KCTD1: variants seen among roughly 807,000 people sequenced by gnomAD.
KCTD1 encodes the protein BTB/POZ domain-containing protein KCTD1.
KCTD1 carries 24 observed loss-of-function variants against 66.0 expected under a neutral mutation model. The observed-to-expected ratio is 0.36, with a 90% CI of 0.26 to 0.51. The LOEUF is 0.51. Ranked by LOEUF, KCTD1 falls within the 20% of genes least tolerant of loss-of-function variation. The probability of loss-of-function intolerance (pLI) is 0.95; values close to 1 mark genes in which losing one functional copy is unlikely to be tolerated. For missense variants in KCTD1, 943 were observed against 1,205.2 expected (o/e 0.78, Z 3.22); for synonymous variants, 511 against 517.2 (o/e 0.99, Z 0.16).
chr18:26,498,202 C>A (rs1470221892), intron 2 of KCTD1, among the ~76,000 whole-genome samples: 1 of 152,074 alleles, frequency 6.6e-6, no homozygotes, highest in East Asian at 1.9e-4. Flanking sequence ...ATCCGAGAAC[C>A]AATGAATCAC....
At chr18:26,494,695 G>A (rs933957020) in intron 2 of KCTD1, among the ~76,000 whole-genome samples, 34 of 152,140 alleles carry the variant, frequency 2.2e-4, no homozygotes, top group African/African-American at 8.0e-4. Context: ...ATTGTAAGAT[G>A]AAAAGAAGAG....
At chr18:26,499,061 C>T (rs1478090637) in intron 2 of KCTD1, among the ~76,000 whole-genome samples, 1 of 152,160 alleles carries the variant, frequency 6.6e-6, no homozygotes, top group Non-Finnish European at 1.5e-5. Flanking sequence ...TAGAAGAAAA[C>T]CTATTGCTTA....
intron 1 of KCTD1, among the ~76,000 whole-genome samples, chr18:26,571,785 C>A (rs531529438): frequency 3.0e-4 from 46 of 152,094 alleles, no homozygotes; most frequent in Admixed American, 2.7e-3. Flanking sequence ...CATAGTGTAA[C>A]CCATTTCAAA....
chr18:26,456,767 T>C (rs1360968677), intron 4 of KCTD1: 1 of 150,532 alleles, frequency 6.6e-6, no homozygotes, highest in African/African-American at 2.5e-5. Flanking sequence ...CTGTGACTCT[T>C]AGATTAGATA....
intron 1 of KCTD1, among the ~76,000 whole-genome samples, chr18:26,582,738 G>A (rs1986383487): frequency 6.6e-6 from 1 of 151,884 alleles, no homozygotes; most frequent in African/African-American, 2.4e-5. Flanking sequence ...GTATAGATGT[G>A]GAAGGATCTC....
chr18:26,615,771 T>C (rs2145003407), intron 1 of KCTD1, among the ~76,000 whole-genome samples: 1 of 152,324 alleles, frequency 6.6e-6, no homozygotes, highest in Middle Eastern at 3.4e-3. Flanking sequence ...ATCTCAGCAC[T>C]AGCTATAGGA....
chr18:26,592,983 A>G (rs1986643762), intron 1 of KCTD1, among the ~76,000 whole-genome samples: 1 of 152,230 alleles, frequency 6.6e-6, no homozygotes, highest in Non-Finnish European at 1.5e-5. Context: ...GCTGATGCTC[A>G]GTGAAGCTAA....
intron 1 of KCTD1, among the ~76,000 whole-genome samples, chr18:26,605,185 G>A (rs1222900055): frequency 6.6e-6 from 1 of 152,168 alleles, no homozygotes; most frequent in Non-Finnish European, 1.5e-5. Context: ...TACTCATATG[G>A]TCTCACTTAG....
At chr18:26,522,258 T>C (rs1983947407) in intron 1 of KCTD1, among the ~76,000 whole-genome samples, 1 of 152,158 alleles carries the variant, frequency 6.6e-6, no homozygotes, top group Non-Finnish European at 1.5e-5. Context: ...GGCATCCTTA[T>C]AGAAAGGGGA....
At chr18:26,646,900 A>G (rs1356555147) in intron 1 of KCTD1, among the ~76,000 whole-genome samples, 2 of 152,200 alleles carry the variant, frequency 1.3e-5, no homozygotes, top group East Asian at 3.8e-4. Flanking sequence ...AGAAAAAAAA[A>G]TAAGAAATGC....
At position 26,603,750 on chromosome 18, in the gene KCTD1, TAAAATAAA is replaced by T. The variant is rs1452104237; in HGVS notation, c.-16+25389_-16+25396del. Reference sequence around the variant, plus strand: ...AGAGTGAGACTGTGTCTCAAAAAAATAAAATAAATAAATAAATAAATAAATAAATAAAT... The same window carrying T: ...AGAGTGAGACTGTGTCTCAAAAAAATTAAATAAATAAATAAATAAATAAAT... On this transcript the variant is annotated intron_variant, in intron 1 of 4. Transcript: ENST00000317932. Among the ~76,000 whole-genome samples the T allele has an allele frequency of 1.3e-4, 12 of 95,470 alleles. 1 individual carries two copies. The South Asian group carries it at 3.2e-3, about 26-fold the overall frequency. The allele number at this position is 95,470 out of a possible 152,430, so 62.6% of individuals were successfully genotyped here.
At chr18:26,484,012 T>C (rs1441947174) in intron 2 of KCTD1, among the ~76,000 whole-genome samples, 1 of 152,234 alleles carries the variant, frequency 6.6e-6, no homozygotes, top group Admixed American at 6.5e-5. Context: ...TAAAAAGTTT[T>C]TCTGTTAAAA....
chr18:26,461,999 G>C (rs1276604931), intron 3 of KCTD1, among the ~76,000 whole-genome samples: 2 of 152,146 alleles, frequency 1.3e-5, no homozygotes, highest in African/African-American at 4.8e-5. Flanking sequence ...ACAAAGCCCT[G>C]ATCTCCCAAT....
chr18:26,589,754 C>T (rs532870801), intron 1 of KCTD1, among the ~76,000 whole-genome samples: 1 of 152,258 alleles, frequency 6.6e-6, no homozygotes, highest in Admixed American at 6.5e-5. Context: ...GGTATAAGCA[C>T]AGCATGGTGA....
chr18:26,560,848 G>A (rs993211863), intron 1 of KCTD1, among the ~76,000 whole-genome samples: 2 of 152,240 alleles, frequency 1.3e-5, no homozygotes, highest in African/African-American at 2.4e-5. Context: ...TGCTAGAAGG[G>A]TAAATGGTAC....
intron 3 of KCTD1, among the ~76,000 whole-genome samples, chr18:26,461,517 G>A (rs1265338863): frequency 6.6e-6 from 1 of 152,180 alleles, no homozygotes; most frequent in African/African-American, 2.4e-5. Context: ...TGAAAACTAG[G>A]CTGAGGTGTG....
chr18:26,593,127 C>T (rs1986648285), intron 1 of KCTD1, among the ~76,000 whole-genome samples: 1 of 152,230 alleles, frequency 6.6e-6, no homozygotes, highest in African/African-American at 2.4e-5. Flanking sequence ...GATGTTCCAC[C>T]ACATGGCTCA....
At chr18:26,478,091 T>C (rs1427335548) in intron 2 of KCTD1, among the ~76,000 whole-genome samples, 1 of 152,202 alleles carries the variant, frequency 6.6e-6, no homozygotes, top group Non-Finnish European at 1.5e-5. Flanking sequence ...GACAATTTGA[T>C]ACAGGATGAA....
intron 1 of KCTD1, among the ~76,000 whole-genome samples, chr18:26,646,064 T>C (rs990800911): frequency 6.6e-6 from 1 of 152,226 alleles, no homozygotes; most frequent in Non-Finnish European, 1.5e-5. Context: ...CTGCAGAAGT[T>C]GAAATGGAGA....
Sources: allele counts gnomAD v4.1 joint callset (sites outside exome capture counted in the v4.1 genomes callset), GRCh38; gene constraint gnomAD v4.1.1; transcripts MANE v1.5; gene names NCBI Gene and HGNC (gene_info 2026-07-23, HGNC 2026-07-21).